The following NOX3 variants were observed in gnomAD, a reference collection of about 807,000 sequenced individuals.
NOX3 encodes NADPH oxidase 3.
A neutral mutation model predicts 76.7 loss-of-function variants in NOX3; 74 were observed. That is an observed-to-expected ratio of 0.96 (90% CI 0.80 to 1.17). The LOEUF is 1.17. Among genes scored for constraint, NOX3 ranks in the 50% most tolerant of loss-of-function variants. The pLI is 0.00. For missense variants in NOX3, 695 were observed against 703.3 expected (o/e 0.99, Z 0.13); for synonymous variants, 263 against 261.1 (o/e 1.01, Z -0.07).
At chr6:155,399,219 T>C (rs1318192705) in intron 12 of NOX3, among the ~76,000 whole-genome samples, 1 of 152,198 alleles carries the variant, frequency 6.6e-6, no homozygotes, top group African/African-American at 2.4e-5. Flanking sequence ...TCCATTAGTG[T>C]AGATGTCACC....
intron 6 of NOX3, among the ~76,000 whole-genome samples, chr6:155,438,092 G>C (rs909274601): frequency 1.3e-5 from 2 of 152,030 alleles, no homozygotes; most frequent in African/African-American, 4.8e-5. Flanking sequence ...GTGTGGATGT[G>C]GGGGACGTAT....
At position 155,428,794 on chromosome 6, in the gene NOX3, C is replaced by G. The variant is rs1562465766; in HGVS notation, c.1145G>C (p.Arg382Thr). The G allele has an allele frequency of 2.0e-6, 3 of 1,487,982 alleles. No individual in the cohort carries two copies. The highest frequency in any genetic ancestry group is 2.7e-6 in the Non-Finnish European group (3 of 1,114,962). The allele number at this position is 1,487,982 out of a possible 1,614,324, so 92.2% of individuals were successfully genotyped here. A position where few individuals can be genotyped will look rare whatever the true frequency, so the allele number is the denominator to read the frequency against. The change falls in exon 9 of 14, where the codon AGG becomes ACG. Residue 382 changes from arginine (R) to threonine (T), a missense_variant and splice_region_variant. Arg to Thr is a moderately conservative substitution (Grantham distance 71). Coordinates refer to ENST00000159060, the MANE Select transcript of NOX3 (RefSeq NM_015718.3). ...ATACATGAGAGAAATGGGCACGAAC[C>G]TTGGCAGGCTCCAGGGCTCCTGGAG... ...QALQEPWSLP[R>T]LAVDGPFGTA... is the part of the protein sequence containing the mutation.
chr6:155,442,038 G>A (rs972862274), intron 5 of NOX3, among the ~76,000 whole-genome samples: 3 of 152,184 alleles, frequency 2.0e-5, no homozygotes, highest in Admixed American at 6.5e-5. Flanking sequence ...GCCGAGGTGG[G>A]CGGATCACGA....
chr6:155,426,119 G>A (rs913189645), intron 9 of NOX3, among the ~76,000 whole-genome samples: 3 of 152,228 alleles, frequency 2.0e-5, no homozygotes, highest in African/African-American at 7.2e-5. Flanking sequence ...TTCTTTGTAT[G>A]TTGAAGATTT....
chr6:155,429,578 T>C (rs1198681858), intron 8 of NOX3, among the ~76,000 whole-genome samples: 5 of 152,254 alleles, frequency 3.3e-5, no homozygotes. Context: ...TCTTTTTGGT[T>C]GAGTCTCATC....
intron 4 of NOX3, among the ~76,000 whole-genome samples, chr6:155,451,415 C>T (rs188653327): frequency 1.3e-4 from 20 of 152,300 alleles, no homozygotes; most frequent in Middle Eastern, 6.8e-3. Flanking sequence ...CTAAATTATA[C>T]TCCATCCTAA....
Position 155,440,283 on chromosome 6 carries a change from G to A in NOX3, c.487-146C>T, listed in dbSNP as rs115559280. ...GCCGTTCACAATGTTTCACTCAGAAGCACGTTAGCCTCAGCGAGGATGCAG... is the reference window on the plus strand; with the variant it reads ...GCCGTTCACAATGTTTCACTCAGAAACACGTTAGCCTCAGCGAGGATGCAG... On this transcript the variant is annotated intron_variant, in intron 5 of 13. Transcript: ENST00000159060. The A allele has an allele frequency of 8.4e-3, 5,192 of 618,124 alleles. 227 individuals are homozygous for A. The African/African-American group carries it at 0.086, about 10-fold the overall frequency. 38.3% of individuals were successfully genotyped at this position (618,124 alleles called of 1,614,324 possible). A position where few individuals can be genotyped will look rare whatever the true frequency, so the allele number is the denominator to read the frequency against.
chr6:155,428,866 T>A lies in NOX3; in HGVS notation c.1073A>T (p.Asp358Val). The A allele has an allele frequency of 6.2e-7, 1 of 1,611,414 alleles. No individual in the cohort carries two copies. Among genetic ancestry groups the A allele is most frequent in the East Asian group, 2.2e-5 (1 of 44,792 alleles). Residue 358 changes from aspartate (D) to valine (V), a missense_variant, in exon 9 of 14, where the codon GAC becomes GTC. Asp to Val is a radical substitution (Grantham distance 152, BLOSUM62 -3). Transcript: ENST00000159060. ...FFSVHIRAAG[D>V]WTAALLEAFG... Reference sequence around the variant, plus strand: ...GGCCTCCAGTAGCGCTGCTGTCCAGTCTCCTGCTGCCCGGATGTGCACGCT... The same window carrying A: ...GGCCTCCAGTAGCGCTGCTGTCCAGACTCCTGCTGCCCGGATGTGCACGCT...
At position 155,454,870 on chromosome 6, in the gene NOX3, T is replaced by G. The variant is rs188133449; in HGVS notation, c.196A>C (p.Met66Leu). The change falls in exon 3 of 14, where the codon ATG becomes CTG. Residue 66 changes from methionine to leucine, a missense_variant. Coordinates refer to ENST00000159060, the MANE Select transcript of NOX3 (RefSeq NM_015718.3). The part of the protein sequence containing the change: ...ASALCLNFNC[M>L]LILIPVSRNL... ...CGACTGACAGGTATTAGAATTAGCA[T>G]GCAGTTAAAATTCAGGCACAGTGCG... is the stretch of plus-strand genomic sequence containing the variant. 9 of 1,610,634 alleles carry G rather than the reference T, an allele frequency of 5.6e-6. No homozygotes were observed. In the African/African-American group the frequency reaches 1.2e-4, roughly 22 times the overall value.
rs780212184 is a variant in NOX3 at position 155,455,745 on chromosome 6, ATACT to A, written c.48+4_48+7del. ...TATTTAAAGTTGAATAACAAAAATG[ATACT>A]TACTACTAATATGGTGGAGAGACCC... On this transcript the variant is annotated splice_donor_5th_base_variant and intron_variant, in intron 1 of 13. Transcript: ENST00000159060. 9 of 1,607,360 alleles carry A rather than the reference ATACT, an allele frequency of 5.6e-6. No individual in the cohort carries two copies. The highest frequency in any genetic ancestry group is 1.1e-5 in the South Asian group (1 of 90,868).
At chr6:155,437,627 A>G (rs1776925343) in intron 6 of NOX3, among the ~76,000 whole-genome samples, 1 of 152,230 alleles carries the variant, frequency 6.6e-6, no homozygotes. Flanking sequence ...TGATGCCCAG[A>G]CATAGGCAGG....
At chr6:155,431,153 CTA>C (rs1776827503) in intron 7 of NOX3, among the ~76,000 whole-genome samples, 1 of 152,000 alleles carries the variant, frequency 6.6e-6, no homozygotes, top group African/African-American at 2.4e-5. Flanking sequence ...TTAAACTCTT[CTA>C]TATTGGTTTT....
At chr6:155,411,482 CT>C (rs148663239) in intron 10 of NOX3, 122 bp from the exon 11 acceptor site, 58 of 817,772 alleles carry the variant, frequency 7.1e-5, no homozygotes, top group Middle Eastern at 2.4e-4. Flanking sequence ...AAATAACATG[CT>C]TTTTTTTGTG....
chr6:155,431,014 A>G (rs1582939866), intron 7 of NOX3, 79 bp from the exon 8 acceptor site: 2 of 863,536 alleles, frequency 2.3e-6, no homozygotes, highest in Non-Finnish European at 3.8e-6. Context: ...CCAAATCAAT[A>G]TACAACATGA....
At chr6:155,439,904 T>G in intron 6 of NOX3, 52 bp downstream of exon 6, 2 of 1,523,398 alleles carry the variant, frequency 1.3e-6, no homozygotes, top group Non-Finnish European at 1.8e-6. Context: ...CTAAGATTAT[T>G]TTGGGACTCT....
intron 12 of NOX3, among the ~76,000 whole-genome samples, chr6:155,403,042 G>A (rs1779255316): frequency 6.6e-6 from 1 of 152,118 alleles, no homozygotes; most frequent in African/African-American, 2.4e-5. Flanking sequence ...TAACCATCCC[G>A]AGGAAAATTA....
chr6:155,445,923 A>AAT (rs1554264802), intron 4 of NOX3, among the ~76,000 whole-genome samples: 21 of 121,916 alleles, frequency 1.7e-4, no homozygotes, highest in South Asian at 4.5e-4. Flanking sequence ...ATAGATATAT[A>AAT]ATATATATGC....
intron 12 of NOX3, among the ~76,000 whole-genome samples, chr6:155,402,529 C>T (rs534081715): frequency 3.9e-5 from 6 of 152,258 alleles, no homozygotes; most frequent in South Asian, 4.1e-4. Context: ...TTTCTTCTCT[C>T]TCCCTTATTT....
At chr6:155,397,746 G>A (rs1010111435) in intron 12 of NOX3, among the ~76,000 whole-genome samples, 1 of 152,178 alleles carries the variant, frequency 6.6e-6, no homozygotes, top group Non-Finnish European at 1.5e-5. Flanking sequence ...CCTTTTTATA[G>A]ATAATAAAAT....
Sources: allele counts gnomAD v4.1 joint callset (sites outside exome capture counted in the v4.1 genomes callset), GRCh38; gene constraint gnomAD v4.1.1; transcripts MANE v1.5; gene names NCBI Gene and HGNC (gene_info 2026-07-23, HGNC 2026-07-21).